The following GUCY1A2 variants were observed in gnomAD, a reference collection of about 807,000 sequenced individuals.
GUCY1A2 encodes guanylate cyclase 1 soluble subunit alpha 2.
Under a neutral mutation model 63.5 loss-of-function variants are expected in GUCY1A2, and 27 were observed. That is an observed-to-expected ratio of 0.43 (90% confidence interval 0.31 to 0.59). GUCY1A2 has a LOEUF of 0.59. GUCY1A2 is among the 20% of genes least tolerant of loss of function. GUCY1A2 has a pLI of 0.11. For missense variants in GUCY1A2, 768 were observed against 913.3 expected (o/e 0.84, Z 2.05); for synonymous variants, 364 against 343.5 (o/e 1.06, Z -0.66).
At chr11:106,800,313 C>T (rs914840886) in intron 5 of GUCY1A2, among the ~76,000 whole-genome samples, 2 of 151,992 alleles carry the variant, frequency 1.3e-5, no homozygotes, top group Admixed American at 6.6e-5. Flanking sequence ...GTTCAACCAT[C>T]GTGGAAGACA....
chr11:106,762,545 A>T (rs13377236), intron 6 of GUCY1A2, among the ~76,000 whole-genome samples: 23,557 of 152,156 alleles, frequency 0.15, 3,322 homozygotes, highest in African/African-American at 0.38. Context: ...TGAATGAAAT[A>T]TAATAATACT....
intron 3 of GUCY1A2, among the ~76,000 whole-genome samples, chr11:106,958,469 T>C (rs1326117490): frequency 1.3e-5 from 2 of 152,208 alleles, no homozygotes; most frequent in Non-Finnish European, 2.9e-5. Context: ...TAGGTGGTGA[T>C]TTGAACAAAT....
rs541969082 is a variant in GUCY1A2 at position 106,900,810 on chromosome 11, T to C, written c.1206+38650A>G. ...ATTATGTCTAAAAAAGCGACAAACA[T>C]ACTTTGACTTTAAAATGCTTTATTG... On this transcript the variant is annotated intron_variant, in intron 4 of 7. Coordinates refer to ENST00000526355, the MANE Select transcript of GUCY1A2 (RefSeq NM_000855.3). Among the ~76,000 whole-genome samples the C allele has an allele frequency of 3.3e-5, 5 of 152,270 alleles. 2 individuals are homozygous for C. Among genetic ancestry groups the C allele is most frequent in the African/African-American group, 1.2e-4 (5 of 41,546 alleles).
intron 6 of GUCY1A2, among the ~76,000 whole-genome samples, chr11:106,754,987 CT>C (rs1017226595): frequency 7.9e-5 from 12 of 152,062 alleles, no homozygotes; most frequent in African/African-American, 2.9e-4. Context: ...TGGTCCTGGA[CT>C]TTTTTTGGTT....
chr11:106,871,312 T>C (rs989487004), intron 4 of GUCY1A2, among the ~76,000 whole-genome samples: 2 of 152,186 alleles, frequency 1.3e-5, no homozygotes, highest in African/African-American at 2.4e-5. Context: ...TCAAGGTTTT[T>C]AATTTTCTAC....
At position 106,892,075 on chromosome 11, in the gene GUCY1A2, C is replaced by T. The variant is rs553529783; in HGVS notation, c.1206+47385G>A. Among the ~76,000 whole-genome samples the T allele has an allele frequency of 1.1e-4, 17 of 152,030 alleles. No homozygotes were observed. In the South Asian group the frequency reaches 3.5e-3, roughly 32 times the overall value. On this transcript the variant is annotated intron_variant, in intron 4 of 7. Transcript: ENST00000526355. ...CCTTTAATTTCTCTGCAAAATTTTG[C>T]AATTTGGGGTATAGAGGACTTGAAC...
At chr11:106,747,027 G>A (rs1247193609) in intron 6 of GUCY1A2, among the ~76,000 whole-genome samples, 3 of 152,076 alleles carry the variant, frequency 2.0e-5, no homozygotes, top group East Asian at 1.9e-4. Flanking sequence ...TCGCTCTGTC[G>A]CCCACGCTGG....
chr11:106,993,932 T>C (rs1444006191), intron 1 of GUCY1A2, among the ~76,000 whole-genome samples: 1 of 152,142 alleles, frequency 6.6e-6, no homozygotes, highest in South Asian at 2.1e-4. Flanking sequence ...GATAATTAGT[T>C]ACAAAATGCA....
At chr11:106,895,162 TAA>T (rs1860029406) in intron 4 of GUCY1A2, among the ~76,000 whole-genome samples, 1 of 152,158 alleles carries the variant, frequency 6.6e-6, no homozygotes, top group Admixed American at 6.5e-5. Context: ...ATCAATTCCT[TAA>T]AGACACAATC....
Position 106,940,039 on chromosome 11 carries a change from G to A in GUCY1A2, c.627C>T (p.His209=), listed in dbSNP as rs147544736. ...FFNGFDALLE[H]IRTSFGKQAT... Reference sequence around the variant, plus strand: ...CCTGTTTTCCAAAAGAAGTTCTAATGTGTTCCAACAAAGCATCAAAGCCGT... The same window carrying A: ...CCTGTTTTCCAAAAGAAGTTCTAATATGTTCCAACAAAGCATCAAAGCCGT... Residue 209 remains histidine, a synonymous_variant, in exon 4 of 8, where the codon CAC becomes CAT. Transcript: ENST00000526355. 9.3e-6 allele frequency: 15 copies of A among 1,613,838 alleles called. No individual in the cohort carries two copies. Among genetic ancestry groups the A allele is most frequent in the Non-Finnish European group, 1.2e-5 (14 of 1,179,796 alleles).
chr11:106,850,585 T>G (rs1467004575), intron 4 of GUCY1A2, among the ~76,000 whole-genome samples: 1 of 151,808 alleles, frequency 6.6e-6, no homozygotes, highest in Non-Finnish European at 1.5e-5. Flanking sequence ...CACCCACATA[T>G]GTGTGACAAC....
chr11:106,950,157 T>C (rs1365160991), intron 3 of GUCY1A2, among the ~76,000 whole-genome samples: 2 of 152,170 alleles, frequency 1.3e-5, no homozygotes, highest in Admixed American at 6.5e-5. Context: ...AGGTGTTGAG[T>C]GCTAAGAAGG....
intron 1 of GUCY1A2, among the ~76,000 whole-genome samples, chr11:107,008,151 C>T (rs774610903): frequency 1.3e-5 from 2 of 149,220 alleles, no homozygotes; most frequent in Non-Finnish European, 2.9e-5. Context: ...TGGTGGCATG[C>T]GCCTGTAATT....
At chr11:106,909,318 A>G (rs1298436258) in intron 4 of GUCY1A2, among the ~76,000 whole-genome samples, 1 of 145,674 alleles carries the variant, frequency 6.9e-6, no homozygotes, top group Non-Finnish European at 1.5e-5. Flanking sequence ...ACATTGATAA[A>G]ATCTATCATC....
At chr11:106,740,019 AGATG>A (rs1485487772) in intron 6 of GUCY1A2, among the ~76,000 whole-genome samples, 4 of 99,026 alleles carry the variant, frequency 4.0e-5, no homozygotes, top group Non-Finnish European at 7.7e-5. Flanking sequence ...TTTTTTTTTG[AGATG>A]GAGTCTTGCT....
At position 106,684,491 on chromosome 11, in the gene GUCY1A2, A is replaced by G. The variant is rs1449850314; in HGVS notation, c.*3058T>C. 5.2e-6 allele frequency: 1 copy of G among 191,146 alleles called. No homozygotes were observed. The highest frequency in any genetic ancestry group is 1.1e-5 in the Non-Finnish European group (1 of 91,268). 11.8% of individuals were successfully genotyped at this position (191,146 alleles called of 1,614,324 possible). ...AATGATTAAGGTCCACAAAGAAGAT[A>G]CAGGGTAGTACATTCTGAGTACATA... On this transcript the variant is annotated 3_prime_UTR_variant, in exon 8 of 8. Coordinates refer to ENST00000526355, the MANE Select transcript of GUCY1A2 (RefSeq NM_000855.3).
chr11:106,705,350 A>C (rs1165478930), intron 7 of GUCY1A2, among the ~76,000 whole-genome samples: 1 of 152,132 alleles, frequency 6.6e-6, no homozygotes, highest in East Asian at 1.9e-4. Context: ...ACAGCTCAAA[A>C]TGCACCTTCG....
At chr11:107,010,104 T>C (rs1861723265) in intron 1 of GUCY1A2, among the ~76,000 whole-genome samples, 1 of 152,118 alleles carries the variant, frequency 6.6e-6, no homozygotes, top group Non-Finnish European at 1.5e-5. Context: ...AAGTGATTTC[T>C]CACTATTTAT....
At chr11:106,815,422 T>C (rs1406882959) in intron 4 of GUCY1A2, among the ~76,000 whole-genome samples, 1 of 151,908 alleles carries the variant, frequency 6.6e-6, no homozygotes, top group Non-Finnish European at 1.5e-5. Flanking sequence ...CAAATTCAAC[T>C]ATATGGATTC....
Sources: gnomAD v4.1 joint callset for allele counts (sites outside exome capture counted in the v4.1 genomes callset) on GRCh38, gnomAD v4.1.1 for gene constraint, MANE v1.5 for transcripts, NCBI Gene and HGNC (gene_info 2026-07-23, HGNC 2026-07-21) for gene names.